AKAP11: variants seen among roughly 807,000 people sequenced by gnomAD.
The protein encoded by AKAP11 is A-kinase anchoring protein 11.
Under a neutral mutation model 146.1 loss-of-function variants are expected in AKAP11, and 36 were observed. The observed-to-expected ratio is 0.25, with a 90% CI of 0.19 to 0.33. AKAP11 has a LOEUF of 0.33. Ranked by LOEUF, AKAP11 falls within the 10% of genes least tolerant of loss-of-function variation. The pLI is 1.00. For missense variants in AKAP11, 2,201 were observed against 2,197.0 expected (o/e 1.00, Z -0.04); for synonymous variants, 780 against 786.5 (o/e 0.99, Z 0.14).
In AKAP11 at chr13:42,301,989, T is replaced by C; in HGVS notation, c.3243T>C (p.Asp1081=). ...TFSSTALTCV[D]GLHVEDKQKV... is the part of the protein sequence containing the mutation. The stretch of plus-strand genomic sequence containing the variant: ...CATCTACAGCACTTACCTGTGTAGA[T>C]GGTTTGCATGTGGAAGATAAACAGA... The change falls in exon 8 of 13, where the codon GAT becomes GAC. Residue 1081 remains aspartate, a synonymous_variant. Coordinates refer to ENST00000025301, the MANE Select transcript of AKAP11 (RefSeq NM_016248.4). 6.2e-7 allele frequency: 1 copy of C among 1,614,064 alleles called. No homozygotes were observed. The highest frequency in any genetic ancestry group is 1.3e-5 in the African/African-American group (1 of 75,022).
intron 1 of AKAP11, among the ~76,000 whole-genome samples, chr13:42,280,731 A>G (rs900229496): frequency 4.6e-5 from 7 of 152,206 alleles, no homozygotes; most frequent in African/African-American, 1.7e-4. Context: ...AAGGAGGGAT[A>G]AAGGAGAGAT....
chr13:42,316,391 T>C (rs953460191), intron 11 of AKAP11, among the ~76,000 whole-genome samples: 28 of 152,286 alleles, frequency 1.8e-4, no homozygotes, highest in African/African-American at 5.8e-4. Flanking sequence ...GCACTCCTTA[T>C]TGCTCAGGTA....
rs1483004419 is a variant in AKAP11 at position 42,303,125 on chromosome 13, C to T, written c.4379C>T (p.Ser1460Phe). 1.2e-6 allele frequency: 2 copies of T among 1,614,024 alleles called. No homozygotes were observed. The highest frequency in any genetic ancestry group is 1.7e-5 in the Admixed American group (1 of 59,992). The change falls in exon 8 of 13, where the codon TCT becomes TTT. Residue 1460 changes from serine (S) to phenylalanine (F), a missense_variant. Physicochemically the swap from Ser to Phe is radical, Grantham distance 155. Transcript: ENST00000025301. ...TCCCAACTGTATAGTTTTTCAACCT[C>T]TCTGGTTCACAGCATAACAAAAGAT... The part of the protein sequence containing the change: ...EVSQLYSFST[S>F]LVHSITKDAK...
rs1350317279 is a variant in AKAP11, at chr13:42,313,948, G to A, written c.5404+8G>A. Reference sequence around the variant, plus strand: ...ATGAGGACGAAGTAGAAGGTAATTTGATTTGTTTTTCAAAGTGTTGGCATG... The same window carrying A: ...ATGAGGACGAAGTAGAAGGTAATTTAATTTGTTTTTCAAAGTGTTGGCATG... On this transcript the variant is annotated splice_region_variant and intron_variant, in intron 11 of 12. Coordinates refer to ENST00000025301, the MANE Select transcript of AKAP11 (RefSeq NM_016248.4). The A allele has an allele frequency of 6.2e-7, 1 of 1,613,162 alleles. No individual in the cohort carries two copies. Among genetic ancestry groups the A allele is most frequent in the Non-Finnish European group, 8.5e-7 (1 of 1,179,378 alleles).
intron 12 of AKAP11, among the ~76,000 whole-genome samples, chr13:42,318,331 A>C (rs1960919376): frequency 6.6e-6 from 1 of 152,202 alleles, no homozygotes; most frequent in South Asian, 2.1e-4. Flanking sequence ...ACATACTAAA[A>C]ACCATTGACT....
chr13:42,292,224 A>C (rs1959240213), intron 3 of AKAP11, among the ~76,000 whole-genome samples, 161 bp from the exon 4 acceptor site: 1 of 152,146 alleles, frequency 6.6e-6, no homozygotes, highest in Non-Finnish European at 1.5e-5. Flanking sequence ...AGCTGAATGG[A>C]GCTTTTCTTC....
chr13:42,279,701 C>T (rs1275842470), intron 1 of AKAP11, among the ~76,000 whole-genome samples: 2 of 151,762 alleles, frequency 1.3e-5, no homozygotes, highest in Admixed American at 6.6e-5. Flanking sequence ...CTTTTTTTCT[C>T]TTGGTTATGG....
Position 42,303,471 on chromosome 13 carries a change from T to C in AKAP11, c.4725T>C (p.Tyr1575=), listed in dbSNP as rs554550769. The change falls in exon 8 of 13, where the codon TAT becomes TAC. Residue 1575 remains tyrosine, a synonymous_variant. Coordinates refer to ENST00000025301, the MANE Select transcript of AKAP11 (RefSeq NM_016248.4). Reference sequence around the variant, plus strand: ...CAAAATCAGCAGACAGGGTCACTTATGCAGAAAAGTTGTCACCTCTTACAG... The same window carrying C: ...CAAAATCAGCAGACAGGGTCACTTACGCAGAAAAGTTGTCACCTCTTACAG... ...ETTKSADRVT[Y]AEKLSPLTGQ... is the part of the protein sequence containing the mutation. 1.9e-5 allele frequency: 30 copies of C among 1,614,200 alleles called. No homozygotes were observed. The highest frequency in any genetic ancestry group is 8.0e-5 in the African/African-American group (6 of 75,062).
chr13:42,300,244 C>T lies in AKAP11; in HGVS notation c.1498C>T (p.Leu500=), dbSNP rs1368157310. 1.2e-6 allele frequency: 2 copies of T among 1,613,854 alleles called. No individual in the cohort carries two copies. The highest frequency in any genetic ancestry group is 1.7e-5 in the Admixed American group (1 of 59,996). The change falls in exon 8 of 13, where the codon CTA becomes TTA. Residue 500 remains leucine, a synonymous_variant. Transcript: ENST00000025301. ...TGCAAAAAGCATTTCATGTGAAGTA[C>T]TAGGCTCAGTTCTTCGTACCCACCA... ...DYAKSISCEV[L]GSVLRTHHTN...
At chr13:42,283,696 C>T (rs1043729095) in intron 1 of AKAP11, among the ~76,000 whole-genome samples, 1 of 152,160 alleles carries the variant, frequency 6.6e-6, no homozygotes, top group Non-Finnish European at 1.5e-5. Flanking sequence ...GTGAAGTCTC[C>T]TGGGAGTTAA....
rs1959774377 is a variant in AKAP11 at position 42,300,143 on chromosome 13, G to A, written c.1397G>A (p.Cys466Tyr). ...CTTGGAGGCTGTACTCCAGCTGAAT[G>A]TTTTTGCCAAACAGATATTGGTGGA... is the stretch of plus-strand genomic sequence containing the variant. ...SPLGGCTPAECFCQTDIGGDR... is the reference protein window; with the variant it reads ...SPLGGCTPAEYFCQTDIGGDR... Residue 466 changes from cysteine to tyrosine, a missense_variant, in exon 8 of 13, where the codon TGT (cysteine) becomes TAT (tyrosine). Coordinates refer to ENST00000025301, the MANE Select transcript of AKAP11 (RefSeq NM_016248.4). The A allele has an allele frequency of 1.2e-6, 2 of 1,613,774 alleles. No individual in the cohort carries two copies. The highest frequency in any genetic ancestry group is 8.5e-7 in the Non-Finnish European group (1 of 1,179,848).
intron 2 of AKAP11, 49 bp from the exon 3 acceptor site, chr13:42,286,251 C>G: frequency 1.4e-6 from 1 of 699,144 alleles, no homozygotes; most frequent in South Asian, 2.9e-5. Context: ...AAATGCTTGC[C>G]TGAATTGTTA....
intron 3 of AKAP11, 43 bp from the exon 4 acceptor site, chr13:42,292,341 GA>G (rs1204626824): frequency 7.9e-7 from 1 of 1,260,472 alleles, no homozygotes; most frequent in South Asian, 1.5e-5. Flanking sequence ...CCTTGTCTTA[GA>G]ATTAAATAAA....
rs1441155585 is a variant in AKAP11 at position 42,272,197 on chromosome 13, T to G, written c.-131T>G. The G allele has an allele frequency of 6.5e-6, 1 of 152,846 alleles. No individual in the cohort carries two copies. Among genetic ancestry groups the G allele is most frequent in the Non-Finnish European group, 1.5e-5 (1 of 68,160 alleles). 9.5% of individuals were successfully genotyped at this position (152,846 alleles called of 1,614,324 possible). ...TCACGGGTCGTTGAGGCCGGTGACATGTCTGTGAGCTGCGGAGGCTGCGGC... is the reference window on the plus strand; with the variant it reads ...TCACGGGTCGTTGAGGCCGGTGACAGGTCTGTGAGCTGCGGAGGCTGCGGC... On this transcript the variant is annotated 5_prime_UTR_variant, in exon 1 of 13. The change abolishes an upstream ATG in the 5' untranslated region. Transcript: ENST00000025301.
rs374816870 is a variant in AKAP11, at chr13:42,318,097, ATC to A, written c.5565+411_5565+412del. Among the ~76,000 whole-genome samples the A allele has an allele frequency of 1.7e-3, 256 of 152,356 alleles. 2 individuals carry two copies. The highest frequency in any genetic ancestry group is 5.9e-3 in the African/African-American group (246 of 41,582). On this transcript the variant is annotated intron_variant, in intron 12 of 12. Transcript: ENST00000025301. ...TGTAATTGTACCTAATGATTAATAT[ATC>A]TGTTTCTCTGATAATCCAGTTTCAT...
rs238338 is a variant in AKAP11 at position 42,296,205 on chromosome 13, A to G, written c.216+463A>G. Among the ~76,000 whole-genome samples, 780 of 152,254 alleles carry G rather than the reference A, an allele frequency of 5.1e-3. 6 individuals are homozygous for G. The highest frequency in any genetic ancestry group is 0.018 in the African/African-American group (748 of 41,558). On this transcript the variant is annotated intron_variant, in intron 5 of 12. Transcript: ENST00000025301. ...CCTACATATTTCCTTTTGTGGCAGT[A>G]AAGTGTCTCCTCATAGAGGAGGAAA...
chr13:42,274,510 C>A (rs2122243), intron 1 of AKAP11, among the ~76,000 whole-genome samples: 2 of 152,030 alleles, frequency 1.3e-5, no homozygotes, highest in Non-Finnish European at 2.9e-5. Flanking sequence ...ATGGAAAAAC[C>A]CTGTCTTTAC....
intron 11 of AKAP11, among the ~76,000 whole-genome samples, chr13:42,317,079 T>C (rs1387015060): frequency 6.6e-6 from 1 of 152,188 alleles, no homozygotes; most frequent in African/African-American, 2.4e-5. Context: ...GGTTTCACCA[T>C]GTTGGGCAGG....
chr13:42,317,457 T>C (rs1252741722), intron 11 of AKAP11, 71 bp from the exon 12 acceptor site: 2 of 1,436,486 alleles, frequency 1.4e-6, no homozygotes, highest in African/African-American at 1.4e-5. Context: ...TATTTGTATC[T>C]ACTTGACAAC....
Sources: allele counts gnomAD v4.1 joint callset (sites outside exome capture counted in the v4.1 genomes callset), GRCh38; gene constraint gnomAD v4.1.1; transcripts MANE v1.5; gene names NCBI Gene and HGNC (gene_info 2026-07-23, HGNC 2026-07-21).